Variants in HMGXB3 observed in about 807,000 individuals in gnomAD.
The protein encoded by HMGXB3 is HMG-box containing 3, also known as HMG domain-containing protein 3.
In HMGXB3, 45 loss-of-function variants were observed where a neutral mutation model predicts 121.5. The observed-to-expected ratio is 0.37, with a 90% CI of 0.29 to 0.47. HMGXB3 has a LOEUF of 0.47. Ranked by LOEUF, HMGXB3 falls within the 20% of genes least tolerant of loss-of-function variation. The pLI is 0.99. For missense variants in HMGXB3, 1,376 were observed against 1,602.2 expected (o/e 0.86, Z 2.41); for synonymous variants, 590 against 624.1 (o/e 0.95, Z 0.81).
At chr5:150,041,446 T>G (rs959383399) in intron 14 of HMGXB3, among the ~76,000 whole-genome samples, 2 of 152,246 alleles carry the variant, frequency 1.3e-5, no homozygotes, top group Non-Finnish European at 2.9e-5. Flanking sequence ...AAGTTATTCT[T>G]GTGCCTCTGT....
intron 6 of HMGXB3, among the ~76,000 whole-genome samples, chr5:150,020,769 A>G (rs56728221): frequency 1.3e-3 from 177 of 141,546 alleles, no homozygotes; most frequent in African/African-American, 4.5e-3. Context: ...TTTTGAAGAT[A>G]GAGTCTTGCT....
chr5:150,013,204 T>C (rs1326254713), intron 5 of HMGXB3, among the ~76,000 whole-genome samples: 1 of 152,218 alleles, frequency 6.6e-6, no homozygotes, highest in African/African-American at 2.4e-5. Context: ...TCATTAAGTA[T>C]ATTAACTATA....
intron 5 of HMGXB3, among the ~76,000 whole-genome samples, chr5:150,017,634 C>G (rs1410964854): frequency 6.6e-6 from 1 of 152,196 alleles, no homozygotes; most frequent in African/African-American, 2.4e-5. Flanking sequence ...ATAATTGAAG[C>G]CTTTTCCTTA....
rs931401615 is a variant in HMGXB3 at position 150,003,607 on chromosome 5, T to TA, written c.-2-1234dup. Among the ~76,000 whole-genome samples, 185 of 144,762 alleles carry TA rather than the reference T, an allele frequency of 1.3e-3. 3 individuals carry two copies. The highest frequency in any genetic ancestry group is 3.0e-4 in the Non-Finnish European group (20 of 65,814). The allele number at this position is 144,762 out of a possible 152,430, so 95.0% of individuals were successfully genotyped here. A position where few individuals can be genotyped will look rare whatever the true frequency, so the allele number is the denominator to read the frequency against. On this transcript the variant is annotated intron_variant, in intron 1 of 19. Coordinates refer to ENST00000502717, the MANE Select transcript of HMGXB3 (RefSeq NM_014983.3). ...TATTATTTTTTAAATTATATAAAAT[T>TA]AAAAAAAAAACTTAATGAACTCTTC...
Position 150,032,481 on chromosome 5 carries a change from C to A in HMGXB3, c.1861C>A (p.Arg621=). 1 of 1,551,592 alleles carries A rather than the reference C, an allele frequency of 6.4e-7. No homozygotes were observed. The highest frequency in any genetic ancestry group is 1.2e-5 in the South Asian group (1 of 84,038). ...TTTGGGCCTGGCTACATCAAGAGGCCGGGGAAAGTGCAAGAATCCCTCTTG... is the reference window on the plus strand; with the variant it reads ...TTTGGGCCTGGCTACATCAAGAGGCAGGGGAAAGTGCAAGAATCCCTCTTG... The part of the protein sequence containing the change: ...LDLGLATSRG[R]GKCKNPSCSY... Residue 621 remains arginine, a synonymous_variant, in exon 11 of 20, where the codon CGG becomes AGG. Transcript: ENST00000502717.
In HMGXB3 at chr5:150,004,861, A is replaced by G. The variant is rs1290092206; in HGVS notation, c.9A>G (p.Ala3=). 1 of 1,550,240 alleles carries G rather than the reference A, an allele frequency of 6.5e-7. No individual in the cohort carries two copies. The highest frequency in any genetic ancestry group is 8.7e-7 in the Non-Finnish European group (1 of 1,146,182). The change falls in exon 2 of 20, where the codon GCA becomes GCG. Residue 3 remains alanine (A), a synonymous_variant. Coordinates refer to ENST00000502717, the MANE Select transcript of HMGXB3 (RefSeq NM_014983.3). ...TTTCCTTTCCTTTAGCCATGGACGC[A>G]TCATATGATGGTACTGAGGTAACTG... MD[A]SYDGTEVTVV... is the part of the protein sequence containing the mutation.
intron 3 of HMGXB3, among the ~76,000 whole-genome samples, 183 bp downstream of exon 3, chr5:150,006,830 G>A (rs1755715384): frequency 6.6e-6 from 1 of 152,030 alleles, no homozygotes; most frequent in African/African-American, 2.4e-5. Context: ...TGTCCTCTTC[G>A]GTTGCAGCAA....
chr5:150,036,874 A>C lies in HMGXB3; in HGVS notation c.2222A>C (p.Tyr741Ser). 1.3e-6 allele frequency: 2 copies of C among 1,551,722 alleles called. No individual in the cohort carries two copies. The highest frequency in any genetic ancestry group is 3.9e-5 in the Admixed American group (2 of 51,000). Residue 741 changes from tyrosine (Y) to serine (S), a missense_variant, in exon 12 of 20, where the codon TAT becomes TCT. Tyr to Ser is a moderately radical substitution (Grantham distance 144). Transcript: ENST00000502717. ...ATCGAGCAAACCTCTTGGTCGAATT[A>C]TTATGAGTCTCCGTCCACGCAGTGC... ...VTIEQTSWSNYYESPSTQCLL... is the reference protein window; with the variant it reads ...VTIEQTSWSNSYESPSTQCLL...
At chr5:150,009,968 T>A in intron 3 of HMGXB3, 143 bp from the exon 4 acceptor site, 1 of 832,742 alleles carries the variant, frequency 1.2e-6, no homozygotes. Context: ...TTATCTGAAT[T>A]AGGTCAAGAG....
intron 10 of HMGXB3, among the ~76,000 whole-genome samples, chr5:150,032,233 G>A (rs1756397060): frequency 6.6e-6 from 1 of 152,220 alleles, no homozygotes; most frequent in South Asian, 2.1e-4. Context: ...CTGTTTCACA[G>A]ATAGGGAAGG....
intron 15 of HMGXB3, among the ~76,000 whole-genome samples, chr5:150,043,014 C>T (rs1332865100): frequency 1.3e-5 from 2 of 152,122 alleles, no homozygotes; most frequent in African/African-American, 4.8e-5. Context: ...CAAATCAGAT[C>T]TAACACAGTA....
chr5:150,004,285 A>G (rs1755646858), intron 1 of HMGXB3, among the ~76,000 whole-genome samples: 1 of 152,222 alleles, frequency 6.6e-6, no homozygotes, highest in Non-Finnish European at 1.5e-5. Context: ...AGAAAGCTGA[A>G]CAAAAAGCAG....
chr5:150,043,864 G>A (rs1017816775), intron 15 of HMGXB3, among the ~76,000 whole-genome samples: 1 of 152,196 alleles, frequency 6.6e-6, no homozygotes, highest in African/African-American at 2.4e-5. Flanking sequence ...CGCTGACTGT[G>A]GAGTCTGCAC....
chr5:150,038,063 T>C (rs769387087), intron 13 of HMGXB3, among the ~76,000 whole-genome samples: 3 of 152,234 alleles, frequency 2.0e-5, no homozygotes, highest in Non-Finnish European at 4.4e-5. Context: ...GTTTACACTT[T>C]TGTGATTCAG....
intron 9 of HMGXB3, among the ~76,000 whole-genome samples, chr5:150,028,454 A>G: frequency 6.9e-6 from 1 of 143,900 alleles, no homozygotes; most frequent in Non-Finnish European, 1.5e-5. Flanking sequence ...GTGTGTATAT[A>G]TATATGTATA....
intron 5 of HMGXB3, among the ~76,000 whole-genome samples, chr5:150,013,976 C>T (rs374625555): frequency 6.6e-6 from 1 of 152,338 alleles, no homozygotes; most frequent in East Asian, 1.9e-4. Flanking sequence ...TAATGCTTTA[C>T]ATTACAACCA....
chr5:150,039,965 T>G (rs995906752), intron 13 of HMGXB3, among the ~76,000 whole-genome samples: 3 of 152,238 alleles, frequency 2.0e-5, no homozygotes, highest in African/African-American at 7.2e-5. Context: ...TTCCTCAGAT[T>G]CATTCATTTC....
chr5:150,000,829 G>T lies in HMGXB3; in HGVS notation c.-353G>T, dbSNP rs1011280578. On this transcript the variant is annotated 5_prime_UTR_variant, in exon 1 of 20. Transcript: ENST00000502717. ...CTGCCGTCTTCCTCGAGCTCCCCGG[G>T]GCTTGACCCCCGGGGCCCTCGGCAG... 2 of 154,760 alleles carry T rather than the reference G, an allele frequency of 1.3e-5. No homozygotes were observed. Among genetic ancestry groups the T allele is most frequent in the Non-Finnish European group, 2.9e-5 (2 of 68,224 alleles). The allele number at this position is 154,760 out of a possible 1,614,324, so 9.6% of individuals were successfully genotyped here. A position where few individuals can be genotyped will look rare whatever the true frequency, so the allele number is the denominator to read the frequency against.
At chr5:150,038,684 G>T (rs1756554898) in intron 13 of HMGXB3, among the ~76,000 whole-genome samples, 1 of 152,182 alleles carries the variant, frequency 6.6e-6, no homozygotes, top group African/African-American at 2.4e-5. Flanking sequence ...AGAATGTCAT[G>T]TGAAAGCAAT....
Sources: gnomAD v4.1 joint callset for allele counts (sites outside exome capture counted in the v4.1 genomes callset) on GRCh38, gnomAD v4.1.1 for gene constraint, MANE v1.5 for transcripts, NCBI Gene and HGNC (gene_info 2026-07-23, HGNC 2026-07-21) for gene names.